PHACTR3: variants seen among roughly 807,000 people sequenced by gnomAD.
PHACTR3 encodes the protein protein phosphatase 1, regulatory subunit 123.
Under a neutral mutation model 66.8 loss-of-function variants are expected in PHACTR3, and 16 were observed. That is an observed-to-expected ratio of 0.24 (90% confidence interval 0.16 to 0.36). The LOEUF is 0.36. Among genes scored for constraint, PHACTR3 ranks in the 10% least tolerant of loss-of-function variants. The pLI is 1.00. For missense variants in PHACTR3, 647 were observed against 719.9 expected (o/e 0.90, Z 1.16); for synonymous variants, 323 against 292.1 (o/e 1.11, Z -1.08).
intron 11 of PHACTR3, 114 bp from the exon 12 acceptor site, chr20:59,845,075 G>A (rs2059126162): frequency 4.7e-6 from 3 of 635,046 alleles, no homozygotes; most frequent in Non-Finnish European, 8.1e-6. Context: ...GTTTTTTTCT[G>A]TATATTACAT....
chr20:59,797,094 A>G (rs2041271003), intron 7 of PHACTR3, among the ~76,000 whole-genome samples: 1 of 151,796 alleles, frequency 6.6e-6, no homozygotes, highest in African/African-American at 2.4e-5. Context: ...TCAGAAGTTC[A>G]TTTTGCTTGA....
intron 1 of PHACTR3, among the ~76,000 whole-genome samples, chr20:59,640,024 A>G (rs2035047030): frequency 6.6e-6 from 1 of 152,208 alleles, no homozygotes; most frequent in African/African-American, 2.4e-5. Flanking sequence ...GGCACACTTC[A>G]TCCTGTGCAT....
intron 1 of PHACTR3, among the ~76,000 whole-genome samples, chr20:59,671,318 G>C (rs547397634): frequency 6.6e-6 from 1 of 152,302 alleles, no homozygotes; most frequent in South Asian, 2.1e-4. Flanking sequence ...TCCTTGCCGG[G>C]GAAGGGCTAG....
At chr20:59,814,070 C>T (rs2041818431) in intron 8 of PHACTR3, among the ~76,000 whole-genome samples, 1 of 152,224 alleles carries the variant, frequency 6.6e-6, no homozygotes, top group African/African-American at 2.4e-5. Flanking sequence ...GAGGCGCTGG[C>T]TAAGCTGGTG....
At chr20:59,623,963 G>T (rs1221893259) in intron 1 of PHACTR3, among the ~76,000 whole-genome samples, 2 of 152,236 alleles carry the variant, frequency 1.3e-5, no homozygotes, top group African/African-American at 4.8e-5. Flanking sequence ...TGGGCGTTGT[G>T]TAGAGAAGGT....
chr20:59,669,965 A>G (rs1220828095), intron 1 of PHACTR3, among the ~76,000 whole-genome samples: 2 of 152,166 alleles, frequency 1.3e-5, no homozygotes, highest in African/African-American at 2.4e-5. Context: ...CTGCTTATCA[A>G]TTGTAGAGTT....
intron 1 of PHACTR3, among the ~76,000 whole-genome samples, chr20:59,663,410 T>C (rs1288327207): frequency 6.6e-6 from 1 of 152,198 alleles, no homozygotes; most frequent in East Asian, 1.9e-4. Flanking sequence ...TCAGGGCCAC[T>C]GAACCAGAAA....
At chr20:59,746,322 G>A (rs1028743220) in intron 2 of PHACTR3, among the ~76,000 whole-genome samples, 2 of 152,074 alleles carry the variant, frequency 1.3e-5, no homozygotes, top group East Asian at 1.9e-4. Flanking sequence ...ATTCCTCCTC[G>A]CCCACTTCTA....
chr20:59,623,351 G>A (rs953796208), intron 1 of PHACTR3, among the ~76,000 whole-genome samples: 1 of 151,998 alleles, frequency 6.6e-6, no homozygotes, highest in Non-Finnish European at 1.5e-5. Context: ...AGTATTGTAC[G>A]CACCATGCAG....
chr20:59,811,380 C>T (rs998180597), intron 8 of PHACTR3, among the ~76,000 whole-genome samples: 10 of 152,146 alleles, frequency 6.6e-5, no homozygotes, highest in African/African-American at 1.9e-4. Flanking sequence ...GAATGTTGGC[C>T]GGGTCCGGTG....
intron 1 of PHACTR3, among the ~76,000 whole-genome samples, chr20:59,596,006 G>T (rs565141597): frequency 6.6e-6 from 1 of 152,170 alleles, no homozygotes; most frequent in Non-Finnish European, 1.5e-5. Flanking sequence ...TAGGCAGAAC[G>T]CAGTTCAAGA....
intron 1 of PHACTR3, among the ~76,000 whole-genome samples, chr20:59,665,709 G>T (rs1478875198): frequency 6.6e-6 from 1 of 152,110 alleles, no homozygotes; most frequent in Non-Finnish European, 1.5e-5. Flanking sequence ...GGGCTGAGAG[G>T]GGAGGGAGAG....
chr20:59,610,935 T>G (rs553227727), intron 1 of PHACTR3, among the ~76,000 whole-genome samples: 153 of 152,364 alleles, frequency 1.0e-3, no homozygotes, highest in African/African-American at 3.6e-3. Flanking sequence ...CCAGCAGAGA[T>G]AATTTCCTAT....
chr20:59,784,093 T>G (rs2040822034), intron 7 of PHACTR3, among the ~76,000 whole-genome samples: 1 of 152,096 alleles, frequency 6.6e-6, no homozygotes, highest in African/African-American at 2.4e-5. Flanking sequence ...GTCGGTGACT[T>G]TAAGGGGCTT....
chr20:59,782,914 TCAGG>T (rs1325200970), intron 7 of PHACTR3, among the ~76,000 whole-genome samples: 1 of 152,210 alleles, frequency 6.6e-6, no homozygotes, highest in Non-Finnish European at 1.5e-5. Context: ...GAGGCAACAC[TCAGG>T]CAGTTCCTGG....
intron 1 of PHACTR3, among the ~76,000 whole-genome samples, chr20:59,611,277 A>C (rs1425898225): frequency 6.6e-6 from 1 of 152,254 alleles, no homozygotes; most frequent in African/African-American, 2.4e-5. Context: ...TAGGAGGCAG[A>C]CACCTCCCCA....
Position 59,845,246 on chromosome 20 carries a change from TCAAG to T in PHACTR3, c.1652_1655del (p.Lys551ThrfsTer2), listed in dbSNP as rs1217033778. The T allele has an allele frequency of 6.2e-7, 1 of 1,608,428 alleles. No homozygotes were observed. The highest frequency in any genetic ancestry group is 1.3e-5 in the African/African-American group (1 of 74,742). On this transcript the variant is annotated frameshift_variant, in exon 12 of 13. Transcript: ENST00000371015. LOFTEE classifies it high-confidence loss of function. Reference sequence around the variant, plus strand: ...AAGTAATGAAATGGAGGTACATGCATCAAGCAAGCACTTGACAAGGTCAGATTTG... The same window carrying T: ...AAGTAATGAAATGGAGGTACATGCATCAAGCACTTGACAAGGTCAGATTTG...
intron 1 of PHACTR3, among the ~76,000 whole-genome samples, chr20:59,584,591 G>A (rs1354441218): frequency 6.6e-6 from 1 of 152,112 alleles, no homozygotes; most frequent in Non-Finnish European, 1.5e-5. Flanking sequence ...ATATGGATGC[G>A]ATCTCCCTCA....
intron 1 of PHACTR3, among the ~76,000 whole-genome samples, chr20:59,630,334 C>T (rs1300263535): frequency 6.6e-6 from 1 of 152,042 alleles, no homozygotes; most frequent in African/African-American, 2.4e-5. Context: ...AGGTGCCCAC[C>T]ACCACACCTG....
Sources: gnomAD v4.1 joint callset for allele counts (sites outside exome capture counted in the v4.1 genomes callset) on GRCh38, gnomAD v4.1.1 for gene constraint, MANE v1.5 for transcripts, NCBI Gene and HGNC (gene_info 2026-07-23, HGNC 2026-07-21) for gene names.